POLD3: variants seen among roughly 807,000 people sequenced by gnomAD.
The protein encoded by POLD3 is DNA polymerase delta subunit 3.
POLD3 carries 19 observed loss-of-function variants against 58.2 expected under a neutral mutation model. The ratio of observed to expected loss-of-function variants is 0.33; its 90% CI spans 0.23 to 0.48. The LOEUF (loss-of-function observed/expected upper bound fraction) is 0.48. Among genes scored for constraint, POLD3 ranks in the 20% least tolerant of loss-of-function variants. The pLI, the probability that POLD3 is intolerant of heterozygous loss-of-function variation, is 0.99. For synonymous variants in POLD3, 172 were observed against 193.5 expected, an observed-to-expected ratio of 0.89 and a Z score of 0.92; for missense variants, 504 against 545.5, an observed-to-expected ratio of 0.92 and a Z score of 0.76.
intron 1 of POLD3, 54 bp from the exon 2 acceptor site, chr11:74,594,007 T>TG (rs2031131748): frequency 2.2e-6 from 2 of 897,648 alleles, no homozygotes; most frequent in Admixed American, 1.8e-5. Context: ...TCGGGACTGA[T>TG]GTGCACTCTG....
At chr11:74,618,940 C>T (rs575097199) in intron 6 of POLD3, 136 bp downstream of exon 6, 2 of 698,338 alleles carry the variant, frequency 2.9e-6, no homozygotes, top group Non-Finnish European at 4.7e-6. Context: ...TTAGTTTGAA[C>T]CCTTTAATAC....
intron 2 of POLD3, chr11:74,595,165 CTTTTTTTTTTTTT>C (rs201138024): frequency 0.43 from 45,867 of 107,062 alleles, 7,930 homozygotes; most frequent in Middle Eastern, 0.57. Context: ...TGGATGAACT[CTTTTTTTTTTTTT>C]TTTTTTTTTT....
rs1431750499 is a variant in POLD3 at position 74,612,863 on chromosome 11, C to G, written c.260-15C>G. ...GTTTGTGTATTAACTGACTGCTTTT[C>G]CTGTTGACTTGTAGCAGTGAAGTCC... is the stretch of plus-strand genomic sequence containing the variant. On this transcript the variant is annotated splice_polypyrimidine_tract_variant and intron_variant, in intron 4 of 11. Coordinates refer to ENST00000263681, the MANE Select transcript of POLD3 (RefSeq NM_006591.3). 2.5e-6 allele frequency: 4 copies of G among 1,601,002 alleles called. No homozygotes were observed. In the Admixed American group the frequency reaches 7.1e-5, roughly 28 times the overall value.
chr11:74,647,570 A>G (rs2033015023), downstream of POLD3, among the ~76,000 whole-genome samples: 1 of 152,120 alleles, frequency 6.6e-6, no homozygotes, highest in South Asian at 2.1e-4. Flanking sequence ...AGCAACCCCT[A>G]AGAAGAATAT....
chr11:74,620,151 C>T, intron 7 of POLD3, 62 bp downstream of exon 7: 1 of 1,269,652 alleles, frequency 7.9e-7, no homozygotes, highest in Non-Finnish European at 1.2e-6. Flanking sequence ...ACATATTATA[C>T]CTGAAGTGAA....
At chr11:74,622,947 CT>C (rs1162573311) in intron 7 of POLD3, among the ~76,000 whole-genome samples, 1 of 152,170 alleles carries the variant, frequency 6.6e-6, no homozygotes, top group Non-Finnish European at 1.5e-5. Flanking sequence ...AGTCTGTCAT[CT>C]GATGAATGGA....
In POLD3 at chr11:74,656,018, CTT is replaced by C. The variant is rs533907942; in HGVS notation, c.370-12756_370-12755del. On this transcript the variant is annotated intron_variant, in intron 4 of 4. Coordinates refer to the POLD3 transcript ENST00000524752. ...ACGAGGCCAATATACAAGATTCAATCTTTTGTATATCAGCAATTAGTAATTGT... is the reference window on the plus strand; with the variant it reads ...ACGAGGCCAATATACAAGATTCAATCTTGTATATCAGCAATTAGTAATTGT... Among the ~76,000 whole-genome samples, 25 of 152,266 alleles carry C rather than the reference CTT, an allele frequency of 1.6e-4. No homozygotes were observed. In the East Asian group the frequency reaches 4.2e-3, roughly 26 times the overall value.
rs1432231006 is a variant in POLD3, at chr11:74,604,776, C to T, written c.201C>T (p.Leu67=). The T allele has an allele frequency of 6.3e-7, 1 of 1,593,438 alleles. No individual in the cohort carries two copies. The highest frequency in any genetic ancestry group is 8.6e-7 in the Non-Finnish European group (1 of 1,161,266). The stretch of plus-strand genomic sequence containing the variant: ...TTACCTACTTGGTGTCTGGCAGTCT[C>T]ATTCAGAATGGACATTCCGTAAGTT... ...LHVTYLVSGS[L]IQNGHSCHKV... Residue 67 remains leucine (L), a synonymous_variant, in exon 3 of 12, where the codon CTC becomes CTT. Coordinates refer to ENST00000263681, the MANE Select transcript of POLD3 (RefSeq NM_006591.3).
At chr11:74,592,741 C>T in intron 1 of POLD3, 23 bp downstream of exon 1, 1 of 1,613,412 alleles carries the variant, frequency 6.2e-7, no homozygotes, top group East Asian at 2.2e-5. Context: ...TACTGGGGAA[C>T]GCGGGCGTGC....
intron 4 of POLD3, among the ~76,000 whole-genome samples, chr11:74,649,909 G>C: frequency 6.6e-6 from 1 of 152,176 alleles, no homozygotes; most frequent in East Asian, 1.9e-4. Flanking sequence ...TTGGAGAGCA[G>C]ACTGGCTCAC....
At chr11:74,628,270 CTTA>C (rs2032489340) in intron 8 of POLD3, among the ~76,000 whole-genome samples, 1 of 152,016 alleles carries the variant, frequency 6.6e-6, no homozygotes, top group African/African-American at 2.4e-5. Flanking sequence ...TTATAAAAGG[CTTA>C]TTAATAAAAT....
chr11:74,624,282 C>T (rs1204126901), intron 7 of POLD3, among the ~76,000 whole-genome samples: 1 of 152,100 alleles, frequency 6.6e-6, no homozygotes, highest in African/African-American at 2.4e-5. Flanking sequence ...TACTTGAGAA[C>T]AACAGTTGAA....
chr11:74,610,199 C>T (rs974132088), intron 3 of POLD3, among the ~76,000 whole-genome samples: 1 of 150,948 alleles, frequency 6.6e-6, no homozygotes, highest in Non-Finnish European at 1.5e-5. Flanking sequence ...CTGTTCCTAC[C>T]ACTTGCCCTT....
chr11:74,666,288 C>T (rs1432215375), intron 4 of POLD3, among the ~76,000 whole-genome samples: 1 of 152,162 alleles, frequency 6.6e-6, no homozygotes. Flanking sequence ...GATGCCTTTC[C>T]CATCTTGTTT....
intron 9 of POLD3, among the ~76,000 whole-genome samples, chr11:74,633,340 A>G (rs974274374): frequency 1.3e-5 from 2 of 151,822 alleles, no homozygotes; most frequent in East Asian, 3.9e-4. Context: ...CTTTCCTTTT[A>G]TGTTTCTCTC....
intron 5 of POLD3, among the ~76,000 whole-genome samples, chr11:74,617,056 A>G (rs1482743255): frequency 2.0e-5 from 3 of 152,234 alleles, no homozygotes; most frequent in Admixed American, 2.0e-4. Flanking sequence ...GGTCTTACAT[A>G]TGCTCAATAA....
At chr11:74,632,348 C>T (rs1288919515) in intron 9 of POLD3, among the ~76,000 whole-genome samples, 1 of 152,098 alleles carries the variant, frequency 6.6e-6, no homozygotes, top group Non-Finnish European at 1.5e-5. Flanking sequence ...CATTACTTAC[C>T]TTTTGCTTGA....
chr11:74,592,910 C>G, intron 1 of POLD3, 192 bp downstream of exon 1: 2 of 1,423,642 alleles, frequency 1.4e-6, no homozygotes, highest in Admixed American at 2.9e-5. Flanking sequence ...CTCCAGCACA[C>G]ACGGAAGTCC....
intron 2 of POLD3, among the ~76,000 whole-genome samples, chr11:74,600,810 C>T (rs1404028977): frequency 6.8e-6 from 1 of 146,790 alleles, no homozygotes; most frequent in Non-Finnish European, 1.5e-5. Context: ...CTCTGTCTCC[C>T]AGGTTCAAGC....
Sources: allele counts gnomAD v4.1 joint callset (sites outside exome capture counted in the v4.1 genomes callset), GRCh38; gene constraint gnomAD v4.1.1; transcripts MANE v1.5; gene names NCBI Gene and HGNC (gene_info 2026-07-23, HGNC 2026-07-21).